SDC1: variants seen among roughly 807,000 people sequenced by gnomAD.
SDC1 encodes syndecan 1.
Under a neutral mutation model 29.7 loss-of-function variants are expected in SDC1, and 14 were observed. The observed-to-expected ratio is 0.47, with a 90% CI of 0.31 to 0.74. SDC1 has a LOEUF of 0.74. Among genes scored for constraint, SDC1 ranks in the 30% least tolerant of loss-of-function variants. The pLI, the probability that SDC1 is intolerant of heterozygous loss-of-function variation, is 0.05. For synonymous variants in SDC1, 204 were observed against 175.5 expected, an observed-to-expected ratio of 1.16 and a Z score of -1.29; for missense variants, 406 against 400.3, an observed-to-expected ratio of 1.01 and a Z score of -0.12.
chr2:20,224,715 TC>T lies in SDC1; in HGVS notation c.66+86del. 1 of 1,204,662 alleles carries T rather than the reference TC, an allele frequency of 8.3e-7. No homozygotes were observed. The highest frequency in any genetic ancestry group is 3.1e-5 in the South Asian group (1 of 32,608). 74.6% of individuals were successfully genotyped at this position (1,204,662 alleles called of 1,614,324 possible). A position where few individuals can be genotyped will look rare whatever the true frequency, so the allele number is the denominator to read the frequency against. On this transcript the variant is annotated intron_variant, in intron 1 of 4. Transcript: ENST00000254351. This position sits in a 1 kb window ranked among gnomAD's most constrained non-coding sequence, Gnocchi z 4.9. ...GAAGAAGGGAAGTCTTCGCTCCCCC[TC>T]CCCCTCCACGTGCACCCGCCGGCAT...
In SDC1 at chr2:20,224,119, G is replaced by A. The variant is rs761349336; in HGVS notation, c.66+683C>T. The A allele has an allele frequency of 3.7e-4, 155 of 418,684 alleles. 1 individual carries two copies. Among genetic ancestry groups the A allele is most frequent in the Admixed American group, 1.1e-3 (42 of 39,866 alleles). 25.9% of individuals were successfully genotyped at this position (418,684 alleles called of 1,614,324 possible). On this transcript the variant is annotated intron_variant, in intron 1 of 4. Coordinates refer to ENST00000254351, the MANE Select transcript of SDC1 (RefSeq NM_002997.5). The surrounding 1 kb of genome is among the most constrained non-coding windows in gnomAD (Gnocchi z 4.9). Reference sequence around the variant, plus strand: ...CTCAACTTCAGCAGCCCAGAAGTTGGGCTCCTCCGGGTCTCCAGCGTTCCG... The same window carrying A: ...CTCAACTTCAGCAGCCCAGAAGTTGAGCTCCTCCGGGTCTCCAGCGTTCCG...
Position 20,224,654 on chromosome 2 carries a change from G to A in SDC1, c.66+148C>T. 1.0e-6 allele frequency: 1 copy of A among 1,001,104 alleles called. No homozygotes were observed. The highest frequency in any genetic ancestry group is 1.3e-6 in the Non-Finnish European group (1 of 790,724). The allele number at this position is 1,001,104 out of a possible 1,614,324, so 62.0% of individuals were successfully genotyped here. A position where few individuals can be genotyped will look rare whatever the true frequency, so the allele number is the denominator to read the frequency against. On this transcript the variant is annotated intron_variant, in intron 1 of 4. Coordinates refer to ENST00000254351, the MANE Select transcript of SDC1 (RefSeq NM_002997.5). This position sits in a 1 kb window ranked among gnomAD's most constrained non-coding sequence, Gnocchi z 4.9. ...AATTGGGGCTGGAGCCCTGGTCTCGGGGCTCACCGTCCCGGGACCCGCTGG... is the reference window on the plus strand; with the variant it reads ...AATTGGGGCTGGAGCCCTGGTCTCGAGGCTCACCGTCCCGGGACCCGCTGG...
chr2:20,204,075 G>C lies in SDC1; in HGVS notation c.365C>G (p.Thr122Ser), dbSNP rs201085828. Residue 122 changes from threonine (T) to serine (S), a missense_variant, in exon 3 of 5, where the codon ACC becomes AGC. Physicochemically the swap from Thr to Ser is moderately conservative, Grantham distance 58 (BLOSUM62 1). Transcript: ENST00000254351. Reference sequence around the variant, plus strand: ...CTGTGTGGTCTCCCTGGGTCGGGGGGTGGCCTCCTGCTCCCGGGCGGTGAG... The same window carrying C: ...CTGTGTGGTCTCCCTGGGTCGGGGGCTGGCCTCCTGCTCCCGGGCGGTGAG... Reference protein sequence around the residue: ...PGLTAREQEATPRPRETTQLP... With the variant: ...PGLTAREQEASPRPRETTQLP... The C allele has an allele frequency of 6.2e-7, 1 of 1,610,788 alleles. No homozygotes were observed. Among genetic ancestry groups the C allele is most frequent in the East Asian group, 2.2e-5 (1 of 44,840 alleles).
chr2:20,225,141 C>G (rs918963676), upstream of SDC1: 1 of 264,802 alleles, frequency 3.8e-6, no homozygotes, highest in African/African-American at 2.3e-5. Context: ...GGCCCCCCAC[C>G]CCCAGCTCCG....
At chr2:20,208,720 C>T (rs1460260523) in intron 1 of SDC1, among the ~76,000 whole-genome samples, 3 of 152,184 alleles carry the variant, frequency 2.0e-5, no homozygotes, top group East Asian at 1.9e-4. Flanking sequence ...TGGGTGCTTC[C>T]GAGGCTGCCT....
intron 1 of SDC1, among the ~76,000 whole-genome samples, chr2:20,209,598 C>T (rs1033352480): frequency 4.6e-5 from 7 of 152,250 alleles, no homozygotes; most frequent in African/African-American, 1.4e-4. Context: ...TCATCATCAC[C>T]GGCTGCCAGC....
chr2:20,223,210 G>A (rs1230916322), intron 1 of SDC1: 1 of 1,290,890 alleles, frequency 7.7e-7, no homozygotes, highest in Non-Finnish European at 1.0e-6. Context: ...CACCTGGGAA[G>A]CAGGGAGGGC....
chr2:20,206,952 G>T (rs1053676149), intron 1 of SDC1, among the ~76,000 whole-genome samples: 1 of 152,242 alleles, frequency 6.6e-6, no homozygotes, highest in African/African-American at 2.4e-5. Flanking sequence ...TTCATGAGAA[G>T]ACGGGGGCAG....
In SDC1 at chr2:20,202,230, C is replaced by T. The variant is rs752726493; in HGVS notation, c.*536G>A. 3.9e-6 allele frequency: 3 copies of T among 775,414 alleles called. No individual in the cohort carries two copies. The highest frequency in any genetic ancestry group is 2.4e-6 in the Non-Finnish European group (1 of 416,494). 48.0% of individuals were successfully genotyped at this position (775,414 alleles called of 1,614,324 possible). ...GTAACAAGGTCTACTGGGCTATGAACAAAGAACTAGAGGAAACATGTGCAA... is the reference window on the plus strand; with the variant it reads ...GTAACAAGGTCTACTGGGCTATGAATAAAGAACTAGAGGAAACATGTGCAA... On this transcript the variant is annotated 3_prime_UTR_variant, in exon 5 of 5. Coordinates refer to ENST00000254351, the MANE Select transcript of SDC1 (RefSeq NM_002997.5).
intron 1 of SDC1, among the ~76,000 whole-genome samples, chr2:20,222,025 T>C (rs3771228): frequency 0.33 from 49,425 of 151,872 alleles, 8,966 homozygotes; most frequent in East Asian, 0.77. Flanking sequence ...GAATGAAAAA[T>C]AGCAAATAAC....
upstream of SDC1, chr2:20,225,374 G>A (rs1677960445): frequency 6.6e-6 from 1 of 152,376 alleles, no homozygotes; most frequent in Non-Finnish European, 1.5e-5. Context: ...GTGGGGCCGA[G>A]GCGCACCCCC....
rs78485828 is a variant in SDC1 at position 20,208,294 on chromosome 2, C to T, written c.67-2870G>A. Among the ~76,000 whole-genome samples, 461 of 152,314 alleles carry T rather than the reference C, an allele frequency of 3.0e-3. 4 individuals are homozygous for T. Among genetic ancestry groups the T allele is most frequent in the African/African-American group, 0.01 (423 of 41,564 alleles). On this transcript the variant is annotated intron_variant, in intron 1 of 4. Transcript: ENST00000254351. ...GATAAGCATTTCAGTCTGCCCTGTC[C>T]CTAAAAACAATTTGTTCCCTCAGTT...
intron 1 of SDC1, among the ~76,000 whole-genome samples, chr2:20,206,287 C>T (rs1677268535): frequency 6.6e-6 from 1 of 152,252 alleles, no homozygotes; most frequent in African/African-American, 2.4e-5. Flanking sequence ...CCCGCCTGCC[C>T]AGCTCCAAGA....
Position 20,224,607 on chromosome 2 carries a change from G to A in SDC1, c.66+195C>T, listed in dbSNP as rs941677473. 6.6e-6 allele frequency among the ~76,000 whole-genome samples: 1 copy of A among 151,750 alleles called. No individual in the cohort carries two copies. Among genetic ancestry groups the A allele is most frequent in the African/African-American group, 2.4e-5 (1 of 41,360 alleles). ...ACCCTCCCCAGCGCGGGACCGGTGC[G>A]GCACCCACCGACAGCGGAGGAAATT... is the stretch of plus-strand genomic sequence containing the variant. On this transcript the variant is annotated intron_variant, in intron 1 of 4. Coordinates refer to ENST00000254351, the MANE Select transcript of SDC1 (RefSeq NM_002997.5). The surrounding 1 kb of genome is among the most constrained non-coding windows in gnomAD (Gnocchi z 4.9).
chr2:20,212,244 A>G (rs1451962239), intron 1 of SDC1, among the ~76,000 whole-genome samples: 1 of 152,232 alleles, frequency 6.6e-6, no homozygotes, highest in Non-Finnish European at 1.5e-5. Flanking sequence ...ACATGGGGAT[A>G]GTCTGGTGAC....
At chr2:20,212,053 G>T (rs1677482716) in intron 1 of SDC1, among the ~76,000 whole-genome samples, 1 of 152,188 alleles carries the variant, frequency 6.6e-6, no homozygotes, top group Non-Finnish European at 1.5e-5. Context: ...CGCCAGAAGG[G>T]GCTTGGTGGA....
intron 2 of SDC1, 81 bp from the exon 3 acceptor site, chr2:20,204,372 G>GTGGGGAGGAACAGA: frequency 1.1e-6 from 1 of 879,558 alleles, no homozygotes; most frequent in Non-Finnish European, 1.8e-6. Flanking sequence ...TGGGTCGGGG[G>GTGGGGAGGAACAGA]AGGCTCCAGA....
At chr2:20,219,432 G>A (rs1056801635) in intron 1 of SDC1, among the ~76,000 whole-genome samples, 1 of 152,224 alleles carries the variant, frequency 6.6e-6, no homozygotes, top group African/African-American at 2.4e-5. Context: ...ACCTGCAGCT[G>A]GATAAGACAG....
At chr2:20,210,411 G>A (rs936534377) in intron 1 of SDC1, among the ~76,000 whole-genome samples, 3 of 152,178 alleles carry the variant, frequency 2.0e-5, no homozygotes, top group African/African-American at 7.2e-5. Flanking sequence ...TTTAAAAAGG[G>A]GGAGCTTCAG....
Sources: gnomAD v4.1 joint callset for allele counts (sites outside exome capture counted in the v4.1 genomes callset) on GRCh38, gnomAD v4.1.1 for gene constraint, Gnocchi (gnomAD v3.1) non-coding constraint, MANE v1.5 for transcripts, NCBI Gene and HGNC (gene_info 2026-07-23, HGNC 2026-07-21) for gene names.